The following MCTP1 variants were observed in gnomAD, a reference collection of about 807,000 sequenced individuals.
The protein encoded by MCTP1 is multiple C2 and transmembrane domain-containing protein 1.
A neutral mutation model predicts 120.6 loss-of-function variants in MCTP1; 69 were observed. The ratio of observed to expected loss-of-function variants is 0.57; its 90% CI spans 0.47 to 0.70. The LOEUF (loss-of-function observed/expected upper bound fraction) is 0.70. MCTP1 is among the 30% of genes least tolerant of loss of function. The pLI is 0.00. For missense variants in MCTP1, 1,203 were observed against 1,248.8 expected (o/e 0.96, Z 0.55); for synonymous variants, 529 against 493.1 (o/e 1.07, Z -0.96).
At chr5:94,942,579 T>C in intron 3 of MCTP1, 152 bp from the exon 4 acceptor site, 1 of 517,532 alleles carries the variant, frequency 1.9e-6, no homozygotes. Flanking sequence ...CTTTGGAATA[T>C]TAGAGTCTCA....
intron 19 of MCTP1, among the ~76,000 whole-genome samples, chr5:94,720,870 TGTAAA>T (rs1760732162): frequency 6.6e-6 from 1 of 152,210 alleles, no homozygotes; most frequent in African/African-American, 2.4e-5. Flanking sequence ...CATTAAGTAG[TGTAAA>T]GTACTTTTCT....
chr5:95,177,706 T>C (rs1036012987), intron 1 of MCTP1, among the ~76,000 whole-genome samples: 1 of 152,170 alleles, frequency 6.6e-6, no homozygotes, highest in Non-Finnish European at 1.5e-5. Flanking sequence ...ACTGAAGAGG[T>C]AGCAGTTGTG....
At chr5:94,915,407 G>T (rs973974787) in intron 8 of MCTP1, among the ~76,000 whole-genome samples, 2 of 152,140 alleles carry the variant, frequency 1.3e-5, no homozygotes, top group African/African-American at 4.8e-5. Context: ...CCACTTAAGT[G>T]GCAAGCACAT....
At chr5:94,732,277 G>A (rs1329599416) in intron 19 of MCTP1, among the ~76,000 whole-genome samples, 1 of 152,052 alleles carries the variant, frequency 6.6e-6, no homozygotes, top group African/African-American at 2.4e-5. Flanking sequence ...CTTTGAATGT[G>A]ACTCAACACA....
At chr5:94,942,194 G>T (rs1349034930) in intron 4 of MCTP1, among the ~76,000 whole-genome samples, 154 bp downstream of exon 4, 1 of 151,930 alleles carries the variant, frequency 6.6e-6, no homozygotes, top group Non-Finnish European at 1.5e-5. Flanking sequence ...ATTTCCACTG[G>T]GTAAGTGAGG....
Position 94,810,999 on chromosome 5 carries a change from T to C in MCTP1, c.2437-11867A>G, listed in dbSNP as rs571526562. On this transcript the variant is annotated intron_variant, in intron 17 of 22. Transcript: ENST00000515393. ...ATTTCAGCTATCATTTACTAGCTTC[T>C]GAAACTTCATCTCCCATTCCGTCTT... is the stretch of plus-strand genomic sequence containing the variant. Among the ~76,000 whole-genome samples, 49 of 152,320 alleles carry C rather than the reference T, an allele frequency of 3.2e-4. 1 individual carries two copies. The highest frequency in any genetic ancestry group is 3.4e-3 in the Middle Eastern group (1 of 294).
At chr5:95,249,186 T>C (rs1261452478) in intron 1 of MCTP1, among the ~76,000 whole-genome samples, 2 of 152,024 alleles carry the variant, frequency 1.3e-5, no homozygotes, top group Non-Finnish European at 2.9e-5. Context: ...CTAAAGAGCT[T>C]CTGAACAGCA....
rs535204022 is a variant in MCTP1 at position 94,777,007 on chromosome 5, G to T, written c.2610+2103C>A. Reference sequence around the variant, plus strand: ...GCCTACTGTAAATTATTACATTTGAGATTTTATTCAGATATGATTTTTATG... The same window carrying T: ...GCCTACTGTAAATTATTACATTTGATATTTTATTCAGATATGATTTTTATG... On this transcript the variant is annotated intron_variant, in intron 19 of 22. Transcript: ENST00000515393. Among the ~76,000 whole-genome samples the T allele has an allele frequency of 9.7e-5, 14 of 144,950 alleles. No individual in the cohort carries two copies. In the East Asian group the frequency reaches 2.7e-3, roughly 28 times the overall value.
chr5:95,263,014 A>G (rs1046306177), intron 1 of MCTP1, among the ~76,000 whole-genome samples: 18 of 152,204 alleles, frequency 1.2e-4, no homozygotes, highest in African/African-American at 4.3e-4. Context: ...CCATTTTAAG[A>G]TGTGACAGAA....
intron 1 of MCTP1, among the ~76,000 whole-genome samples, chr5:95,079,131 C>T (rs777307371): frequency 3.9e-5 from 6 of 152,036 alleles, no homozygotes; most frequent in Non-Finnish European, 7.4e-5. Flanking sequence ...CCCAACAAAC[C>T]ATCTCCATAG....
intron 18 of MCTP1, 55 bp from the exon 19 acceptor site, chr5:94,779,218 C>T (rs376609421): frequency 2.0e-6 from 3 of 1,475,326 alleles, no homozygotes; most frequent in Non-Finnish European, 2.8e-6. Flanking sequence ...GAATTTTGTT[C>T]TGTCATTTTG....
chr5:95,219,547 C>A (rs1753449045), intron 1 of MCTP1, among the ~76,000 whole-genome samples: 1 of 151,970 alleles, frequency 6.6e-6, no homozygotes, highest in African/African-American at 2.4e-5. Context: ...TTCTAATCGC[C>A]CTGGACTCCC....
At chr5:95,018,747 A>G (rs1053095117) in intron 1 of MCTP1, among the ~76,000 whole-genome samples, 1 of 151,898 alleles carries the variant, frequency 6.6e-6, no homozygotes. Flanking sequence ...TCCCACCCAC[A>G]TCCAAATAGT....
chr5:95,078,383 T>C (rs564406849), intron 1 of MCTP1, among the ~76,000 whole-genome samples: 13 of 152,058 alleles, frequency 8.5e-5, no homozygotes, highest in Non-Finnish European at 1.8e-4. Flanking sequence ...CACCTGCACA[T>C]CAAAAACAAC....
At chr5:94,883,191 T>C (rs944740842) in intron 12 of MCTP1, among the ~76,000 whole-genome samples, 3 of 152,210 alleles carry the variant, frequency 2.0e-5, no homozygotes, top group African/African-American at 7.2e-5. Context: ...TATTAATACA[T>C]TTATCATGTA....
At chr5:94,808,229 T>C (rs1190231691) in intron 17 of MCTP1, among the ~76,000 whole-genome samples, 1 of 152,180 alleles carries the variant, frequency 6.6e-6, no homozygotes, top group African/African-American at 2.4e-5. Context: ...TATTTCTGGT[T>C]GGTTCCACTA....
rs1250362150 is a variant in MCTP1, at chr5:95,017,384, G to A, written c.821C>T (p.Ala274Val). Reference protein sequence around the residue: ...DITLRRGQSLAARDRGGTSDP... With the variant: ...DITLRRGQSLVARDRGGTSDP... The stretch of plus-strand genomic sequence containing the variant: ...GCTCTTACCTCCTCGATCTCGAGCA[G>A]CTAAACTTTGACCCCTTCTTAATGT... Residue 274 changes from alanine (A) to valine (V), a missense_variant, in exon 2 of 23, where the codon GCT becomes GTT. Physicochemically the swap from Ala to Val is moderately conservative, Grantham distance 64. Coordinates refer to ENST00000515393, the MANE Select transcript of MCTP1 (RefSeq NM_024717.7). The A allele has an allele frequency of 6.2e-7, 1 of 1,607,322 alleles. No individual in the cohort carries two copies. The highest frequency in any genetic ancestry group is 1.1e-5 in the South Asian group (1 of 90,244).
chr5:95,260,226 C>T (rs927692331), intron 1 of MCTP1, among the ~76,000 whole-genome samples: 3 of 152,178 alleles, frequency 2.0e-5, no homozygotes, highest in African/African-American at 7.2e-5. Flanking sequence ...GAACATGACA[C>T]AAACGATGGT....
intron 1 of MCTP1, among the ~76,000 whole-genome samples, chr5:95,070,252 TC>T (rs1234651105): frequency 6.6e-6 from 1 of 152,228 alleles, no homozygotes; most frequent in Admixed American, 6.5e-5. Flanking sequence ...AGCTTGCCTC[TC>T]ACCCTCTGAG....
Sources: allele counts gnomAD v4.1 joint callset (sites outside exome capture counted in the v4.1 genomes callset), GRCh38; gene constraint gnomAD v4.1.1; transcripts MANE v1.5; gene names NCBI Gene and HGNC (gene_info 2026-07-23, HGNC 2026-07-21).